FER: variants seen among roughly 807,000 people sequenced by gnomAD.
FER encodes the protein tyrosine-protein kinase Fer.
In FER, 63 loss-of-function variants were observed where a neutral mutation model predicts 111.0. That is an observed-to-expected ratio of 0.57 (90% CI 0.46 to 0.70). FER has a LOEUF of 0.70. FER is among the 30% of genes least tolerant of loss of function. FER has a pLI of 0.00. For missense variants in FER, 914 were observed against 954.0 expected, an observed-to-expected ratio of 0.96 and a Z score of 0.55; for synonymous variants, 327 against 313.9, an observed-to-expected ratio of 1.04 and a Z score of -0.44.
At chr5:109,032,563 A>G (rs1769790526) in intron 13 of FER, among the ~76,000 whole-genome samples, 1 of 152,198 alleles carries the variant, frequency 6.6e-6, no homozygotes, top group African/African-American at 2.4e-5. Context: ...CACATCCACA[A>G]GTTATTAGAA....
At chr5:108,792,365 G>GT (rs1755476850) in intron 2 of FER, among the ~76,000 whole-genome samples, 2 of 152,134 alleles carry the variant, frequency 1.3e-5, no homozygotes. Flanking sequence ...TTGAGACGGA[G>GT]TTTTGCTCTT....
At chr5:109,065,508 TATCTGG>T (rs1229659591) in intron 16 of FER, among the ~76,000 whole-genome samples, 1 of 152,188 alleles carries the variant, frequency 6.6e-6, no homozygotes, top group Non-Finnish European at 1.5e-5. Context: ...CGATACAAAG[TATCTGG>T]ACTCTTCTCA....
chr5:108,879,547 C>G (rs1217373811), intron 8 of FER, among the ~76,000 whole-genome samples: 1 of 151,342 alleles, frequency 6.6e-6, no homozygotes, highest in African/African-American at 2.4e-5. Flanking sequence ...ACTATTCTTA[C>G]ATTTGTTATG....
chr5:109,104,617 T>C (rs887662952), intron 17 of FER, among the ~76,000 whole-genome samples: 1 of 152,124 alleles, frequency 6.6e-6, no homozygotes, highest in African/African-American at 2.4e-5. Context: ...AGAGAGAGCT[T>C]GACTTAATTG....
At chr5:108,757,190 G>T (rs1021003939) in intron 1 of FER, among the ~76,000 whole-genome samples, 1 of 152,164 alleles carries the variant, frequency 6.6e-6, no homozygotes, top group African/African-American at 2.4e-5. Context: ...CTATTTGGGA[G>T]CAACTCTAAA....
intron 16 of FER, among the ~76,000 whole-genome samples, chr5:109,065,409 T>C (rs1774960719): frequency 6.6e-6 from 1 of 152,240 alleles, no homozygotes; most frequent in African/African-American, 2.4e-5. Context: ...CTGGTCAGCA[T>C]TAGCCAAAGA....
intron 6 of FER, among the ~76,000 whole-genome samples, 198 bp from the exon 7 acceptor site, chr5:108,871,167 C>T (rs916060617): frequency 6.6e-6 from 1 of 152,108 alleles, no homozygotes; most frequent in Non-Finnish European, 1.5e-5. Context: ...TGTATTATAA[C>T]AAATATAAAT....
rs1407343796 is a variant in FER at position 109,192,214 on chromosome 5, C to G, written c.*4639C>G. 1.3e-5 allele frequency: 2 copies of G among 152,164 alleles called. No homozygotes were observed. The highest frequency in any genetic ancestry group is 1.9e-4 in the East Asian group (1 of 5,190). The allele number at this position is 152,164 out of a possible 1,614,324, so 9.4% of individuals were successfully genotyped here. A position where few individuals can be genotyped will look rare whatever the true frequency, so the allele number is the denominator to read the frequency against. On this transcript the variant is annotated 3_prime_UTR_variant, in exon 20 of 20. Coordinates refer to ENST00000281092, the MANE Select transcript of FER (RefSeq NM_005246.4). ...TAATAAGGTGCTGAGGCAGCAGATT[C>G]AAATGCAAAAGAGGGAGGAACCAGT...
At chr5:109,154,686 T>G (rs1182505640) in intron 17 of FER, among the ~76,000 whole-genome samples, 1 of 151,928 alleles carries the variant, frequency 6.6e-6, no homozygotes, top group Non-Finnish European at 1.5e-5. Flanking sequence ...GACATCTATA[T>G]CACTTTTCCT....
chr5:108,811,092 A>G (rs1401597160), intron 3 of FER, among the ~76,000 whole-genome samples: 2 of 151,668 alleles, frequency 1.3e-5, no homozygotes, highest in African/African-American at 4.8e-5. Flanking sequence ...CCCACAATCT[A>G]TGTCCAGGAA....
At chr5:109,094,214 A>T (rs1231270279) in intron 16 of FER, among the ~76,000 whole-genome samples, 1 of 151,698 alleles carries the variant, frequency 6.6e-6, no homozygotes, top group Non-Finnish European at 1.5e-5. Flanking sequence ...AGTACTATTG[A>T]ACTCTGGTGC....
chr5:108,946,106 A>G lies in FER; in HGVS notation c.1237-24A>G, dbSNP rs2149625913. 4 of 1,557,314 alleles carry G rather than the reference A, an allele frequency of 2.6e-6. No individual in the cohort carries two copies. The East Asian group carries it at 6.8e-5, about 26-fold the overall frequency. ...ATATTGGATAGTTTACTGTTGCTGA[A>G]GGCTTGTTTCTTAATCCCTCCAGGA... On this transcript the variant is annotated intron_variant, in intron 10 of 19. Transcript: ENST00000281092.
intron 10 of FER, among the ~76,000 whole-genome samples, chr5:108,935,542 G>A (rs990312424): frequency 2.0e-5 from 3 of 151,990 alleles, no homozygotes; most frequent in African/African-American, 7.2e-5. Context: ...TTCTGAGTGG[G>A]GTGCGGGGAG....
intron 16 of FER, among the ~76,000 whole-genome samples, chr5:109,097,604 T>C (rs548247282): frequency 1.6e-4 from 25 of 152,064 alleles, no homozygotes; most frequent in African/African-American, 5.8e-4. Flanking sequence ...AAGGACAGGC[T>C]CTGCCTTCTA....
intron 17 of FER, among the ~76,000 whole-genome samples, chr5:109,120,590 T>A (rs934994236): frequency 4.6e-5 from 7 of 152,172 alleles, no homozygotes; most frequent in Non-Finnish European, 1.0e-4. Context: ...CTGGGTCTTT[T>A]GTGGTTCCAT....
At chr5:108,958,530 C>T (rs985780296) in intron 12 of FER, among the ~76,000 whole-genome samples, 4 of 151,616 alleles carry the variant, frequency 2.6e-5, no homozygotes, top group Admixed American at 1.3e-4. Context: ...AAGAGAAAAG[C>T]GGTCTTGGAG....
chr5:108,879,129 T>A (rs6895027), intron 8 of FER, among the ~76,000 whole-genome samples: 62,916 of 151,898 alleles, frequency 0.41, 14,369 homozygotes, highest in African/African-American at 0.61. Context: ...CATTTTGTGA[T>A]TTTTTTCCAG....
intron 16 of FER, among the ~76,000 whole-genome samples, chr5:109,058,724 CT>C (rs746184286): frequency 2.5e-3 from 192 of 76,252 alleles, no homozygotes; most frequent in Non-Finnish European, 3.2e-3. Context: ...TTCTTTCTTT[CT>C]TTTTTTTTTT....
intron 5 of FER, among the ~76,000 whole-genome samples, chr5:108,836,114 TTAAG>T (rs932883913): frequency 6.6e-6 from 1 of 152,080 alleles, no homozygotes. Flanking sequence ...TACAGAGTGC[TTAAG>T]TAAGAAAAAT....
Sources: gnomAD v4.1 joint callset for allele counts (sites outside exome capture counted in the v4.1 genomes callset) on GRCh38, gnomAD v4.1.1 for gene constraint, MANE v1.5 for transcripts, NCBI Gene and HGNC (gene_info 2026-07-23, HGNC 2026-07-21) for gene names.